The following SHROOM3 variants were observed in gnomAD, a reference collection of about 807,000 sequenced individuals.
SHROOM3 encodes shroom family member 3.
Under a neutral mutation model 138.6 loss-of-function variants are expected in SHROOM3, and 47 were observed. The ratio of observed to expected loss-of-function variants is 0.34; its 90% CI spans 0.27 to 0.43. SHROOM3 has a LOEUF of 0.43. Ranked by LOEUF, SHROOM3 falls within the 20% of genes least tolerant of loss-of-function variation. The pLI, the probability that SHROOM3 is intolerant of heterozygous loss-of-function variation, is 1.00. For synonymous variants in SHROOM3, 1,062 were observed against 1,063.3 expected (o/e 1.00, Z 0.02); for missense variants, 2,491 against 2,596.5 (o/e 0.96, Z 0.88).
chr4:76,642,082 C>A (rs950215171), intron 2 of SHROOM3, among the ~76,000 whole-genome samples: 1 of 152,094 alleles, frequency 6.6e-6, no homozygotes, highest in Non-Finnish European at 1.5e-5. Context: ...CTCATTCTTT[C>A]CTGATTGTTT....
chr4:76,585,243 C>A (rs566979742), intron 2 of SHROOM3, among the ~76,000 whole-genome samples: 1 of 152,130 alleles, frequency 6.6e-6, no homozygotes, highest in Non-Finnish European at 1.5e-5. Flanking sequence ...CTTTCTGTGC[C>A]TAAAAATAAC....
At chr4:76,720,109 T>G (rs1268355617) in intron 3 of SHROOM3, among the ~76,000 whole-genome samples, 1 of 151,738 alleles carries the variant, frequency 6.6e-6, no homozygotes, top group Non-Finnish European at 1.5e-5. Context: ...ACACAGATAT[T>G]AATGAGGGAA....
intron 2 of SHROOM3, among the ~76,000 whole-genome samples, chr4:76,708,188 C>T (rs779169604): frequency 1.4e-4 from 22 of 152,130 alleles, no homozygotes; most frequent in Non-Finnish European, 3.1e-4. Flanking sequence ...AGGAATCATA[C>T]ATTGAAAATG....
intron 1 of SHROOM3, among the ~76,000 whole-genome samples, chr4:76,542,850 T>G (rs1187873988): frequency 6.6e-6 from 1 of 152,214 alleles, no homozygotes; most frequent in Non-Finnish European, 1.5e-5. Context: ...AGTCTGGCCC[T>G]AGACCTTCTG....
At chr4:76,746,489 G>A (rs1721439059) in intron 5 of SHROOM3, among the ~76,000 whole-genome samples, 1 of 152,144 alleles carries the variant, frequency 6.6e-6, no homozygotes, top group South Asian at 2.1e-4. Flanking sequence ...ATAGCCTAGG[G>A]ATGTAGTAGT....
intron 2 of SHROOM3, among the ~76,000 whole-genome samples, chr4:76,690,134 C>T (rs376299680): frequency 6.6e-5 from 10 of 152,302 alleles, no homozygotes; most frequent in African/African-American, 2.4e-4. Flanking sequence ...CTACCCCCAA[C>T]CCCCACTTGC....
chr4:76,770,324 CAAA>C (rs529468839), intron 9 of SHROOM3, among the ~76,000 whole-genome samples: 1,480 of 36,016 alleles, frequency 0.041, 30 homozygotes, highest in African/African-American at 0.12. Flanking sequence ...AACTCTGTCT[CAAA>C]AAAAAAAAAA....
chr4:76,677,106 C>T (rs1387051649), intron 2 of SHROOM3, among the ~76,000 whole-genome samples: 1 of 152,156 alleles, frequency 6.6e-6, no homozygotes, highest in Non-Finnish European at 1.5e-5. Flanking sequence ...ATTCTAGAGA[C>T]ATCTGGGGCT....
Position 76,755,058 on chromosome 4 carries a change from T to A in SHROOM3, c.4575T>A (p.Pro1525=). ...CCACGTCCAGCCCCACATTTGAACC[T>A]CTTCCCCCACCCCCACCTCCTCCAC... The part of the protein sequence containing the change: ...PKATSSPTFE[P]LPPPPPPPPS... The change falls in exon 7 of 11, where the codon CCT becomes CCA. Residue 1525 remains proline, a synonymous_variant. Coordinates refer to ENST00000296043, the MANE Select transcript of SHROOM3 (RefSeq NM_020859.4). 6.3e-7 allele frequency: 1 copy of A among 1,599,328 alleles called. No individual in the cohort carries two copies. Among genetic ancestry groups the A allele is most frequent in the East Asian group, 2.2e-5 (1 of 44,600 alleles).
At chr4:76,721,235 C>T (rs1025514447) in intron 3 of SHROOM3, among the ~76,000 whole-genome samples, 1 of 150,722 alleles carries the variant, frequency 6.6e-6, no homozygotes, top group Non-Finnish European at 1.5e-5. Context: ...GGCGTGAACC[C>T]GGGAGGCGGA....
intron 1 of SHROOM3, among the ~76,000 whole-genome samples, chr4:76,528,339 TC>T (rs748183856): frequency 0.013 from 1,739 of 131,480 alleles, 27 homozygotes; most frequent in African/African-American, 0.019. Context: ...TTCTTCTTCT[TC>T]TTCTTTTTTT....
At chr4:76,499,768 GT>G (rs1418732904) in intron 1 of SHROOM3, among the ~76,000 whole-genome samples, 1 of 152,136 alleles carries the variant, frequency 6.6e-6, no homozygotes, top group Non-Finnish European at 1.5e-5. Context: ...CATTCGAGAG[GT>G]TTTTAGAAGG....
chr4:76,670,462 AT>A (rs1444982232), intron 2 of SHROOM3, among the ~76,000 whole-genome samples: 1 of 152,050 alleles, frequency 6.6e-6, no homozygotes. Context: ...GCATGAGGGA[AT>A]TTTGGGGGTG....
At chr4:76,770,120 C>T (rs564260627) in intron 9 of SHROOM3, among the ~76,000 whole-genome samples, 45 of 151,890 alleles carry the variant, frequency 3.0e-4, no homozygotes, top group African/African-American at 1.0e-3. Context: ...GTTAGGAGTT[C>T]GAGACCAGTC....
At chr4:76,575,735 A>C in intron 2 of SHROOM3, 1 of 152,186 alleles carries the variant, frequency 6.6e-6, no homozygotes, top group East Asian at 1.9e-4. Context: ...TAAGTGAAAG[A>C]TCTCTATAAT....
chr4:76,687,931 T>C (rs1577974121), intron 2 of SHROOM3, among the ~76,000 whole-genome samples: 1 of 152,166 alleles, frequency 6.6e-6, no homozygotes, highest in Non-Finnish European at 1.5e-5. Flanking sequence ...GCCTTATCTG[T>C]TCTGCCCACA....
At chr4:76,564,722 T>G (rs1733664677) in intron 2 of SHROOM3, among the ~76,000 whole-genome samples, 1 of 152,198 alleles carries the variant, frequency 6.6e-6, no homozygotes, top group African/African-American at 2.4e-5. Flanking sequence ...TACAAAGGAA[T>G]GTTCTATTGT....
At chr4:76,720,151 G>GTTTT (rs59839066) in intron 3 of SHROOM3, among the ~76,000 whole-genome samples, 11 of 82,996 alleles carry the variant, frequency 1.3e-4, no homozygotes, top group Non-Finnish European at 2.0e-4. Context: ...TGTTTTTTAG[G>GTTTT]TTTTTTTTTT....
intron 2 of SHROOM3, among the ~76,000 whole-genome samples, chr4:76,680,265 C>G (rs1303165063): frequency 6.6e-6 from 1 of 151,930 alleles, no homozygotes; most frequent in Admixed American, 6.6e-5. Context: ...CTCAGCCTAC[C>G]GAGTAGCTGG....
Sources: gnomAD v4.1 joint callset for allele counts (sites outside exome capture counted in the v4.1 genomes callset) on GRCh38, gnomAD v4.1.1 for gene constraint, MANE v1.5 for transcripts, NCBI Gene and HGNC (gene_info 2026-07-23, HGNC 2026-07-21) for gene names.